TGFB2: variants seen among roughly 807,000 people sequenced by gnomAD.
TGFB2 encodes transforming growth factor beta 2, also known as transforming growth factor beta-2 proprotein.
Under a neutral mutation model 42.7 loss-of-function variants are expected in TGFB2, and 13 were observed. That is an observed-to-expected ratio of 0.30 (90% CI 0.20 to 0.48). The LOEUF (loss-of-function observed/expected upper bound fraction) is 0.48. Ranked by LOEUF, TGFB2 falls within the 20% of genes least tolerant of loss-of-function variation. TGFB2 has a pLI of 0.99. For missense variants in TGFB2, 390 were observed against 517.5 expected, an observed-to-expected ratio of 0.75 and a Z score of 2.39; for synonymous variants, 193 against 193.6, an observed-to-expected ratio of 1.00 and a Z score of 0.03.
In TGFB2 at chr1:218,405,608, A is replaced by G. The variant is rs574556670; in HGVS notation, c.510+276A>G. ...GATCTGGAACTCCTGGCCTTAAGCA[A>G]TCTTCCCACCTTGGCCTCAAAAAGT... On this transcript the variant is annotated intron_variant, in intron 2 of 6. Coordinates refer to ENST00000366930, the MANE Select transcript of TGFB2 (RefSeq NM_003238.6). 3.8e-5 allele frequency: 17 copies of G among 449,886 alleles called. No individual in the cohort carries two copies. In the East Asian group the frequency reaches 5.5e-4, roughly 15 times the overall value. The allele number at this position is 449,886 out of a possible 1,614,324, so 27.9% of individuals were successfully genotyped here.
At chr1:218,423,143 G>C (rs949189977) in intron 2 of TGFB2, among the ~76,000 whole-genome samples, 1 of 152,128 alleles carries the variant, frequency 6.6e-6, no homozygotes, top group Non-Finnish European at 1.5e-5. Flanking sequence ...GTGCCTGTCT[G>C]CCTGAGAGAA....
At position 218,346,970 on chromosome 1, in the gene TGFB2, A is replaced by T; in HGVS notation, c.269A>T (p.Glu90Val). The change falls in exon 1 of 7, where the codon GAG becomes GTG. Residue 90 changes from glutamate to valine, a missense_variant. By Grantham distance (121) the Glu-to-Val change is moderately radical. Coordinates refer to ENST00000366930, the MANE Select transcript of TGFB2 (RefSeq NM_003238.6). The surrounding 1 kb of genome is among the most constrained non-coding windows in gnomAD (Gnocchi z 4.9). ...GCGAGCCGGAGGGCGGCCGCCTGCG[A>T]GCGCGAGAGGAGCGACGAAGAGTAC... ...EKASRRAAAC[E>V]RERSDEEYYA... 6.2e-7 allele frequency: 1 copy of T among 1,613,906 alleles called. No homozygotes were observed. The highest frequency in any genetic ancestry group is 8.5e-7 in the Non-Finnish European group (1 of 1,179,900).
chr1:218,416,449 C>T (rs931737389), intron 2 of TGFB2, among the ~76,000 whole-genome samples: 1 of 152,126 alleles, frequency 6.6e-6, no homozygotes, highest in Non-Finnish European at 1.5e-5. Context: ...TGGCAGAGTC[C>T]AGCATACATA....
At chr1:218,362,839 A>G (rs1405708006) in intron 1 of TGFB2, among the ~76,000 whole-genome samples, 1 of 152,160 alleles carries the variant, frequency 6.6e-6, no homozygotes, top group East Asian at 1.9e-4. Context: ...ACCAATATTC[A>G]CTTGTATTTT....
At chr1:218,429,247 C>A (rs1659728066) in intron 2 of TGFB2, among the ~76,000 whole-genome samples, 1 of 152,190 alleles carries the variant, frequency 6.6e-6, no homozygotes, top group Non-Finnish European at 1.5e-5. Context: ...TCCCAAAGAG[C>A]TGGGATTACA....
intron 1 of TGFB2, among the ~76,000 whole-genome samples, chr1:218,385,448 A>G (rs1658101881): frequency 6.6e-6 from 1 of 152,246 alleles, no homozygotes; most frequent in Non-Finnish European, 1.5e-5. Context: ...CCTTCCCCAA[A>G]GTAACACGAC....
intron 2 of TGFB2, among the ~76,000 whole-genome samples, chr1:218,417,800 A>G (rs1227469110): frequency 6.6e-6 from 1 of 152,248 alleles, no homozygotes; most frequent in Non-Finnish European, 1.5e-5. Context: ...AAGGGCCAAC[A>G]TAGAGCTTGG....
chr1:218,421,516 C>G (rs1435672570), intron 2 of TGFB2, among the ~76,000 whole-genome samples: 1 of 151,970 alleles, frequency 6.6e-6, no homozygotes, highest in Non-Finnish European at 1.5e-5. Context: ...GAAAAATACT[C>G]TGTGGGGGTA....
chr1:218,419,209 C>G (rs778218898), intron 2 of TGFB2, among the ~76,000 whole-genome samples: 1 of 152,192 alleles, frequency 6.6e-6, no homozygotes, highest in Non-Finnish European at 1.5e-5. Flanking sequence ...TAGGGCTCCC[C>G]CATTTGTCAA....
At chr1:218,405,682 G>A in intron 2 of TGFB2, 1 of 345,682 alleles carries the variant, frequency 2.9e-6, no homozygotes, top group Non-Finnish European at 5.6e-6. Flanking sequence ...TTAGGTTGTT[G>A]TAATGGGCAA....
chr1:218,345,918 A>C lies in TGFB2; in HGVS notation c.-784A>C, dbSNP rs1557153. ...GCGCCCGCCAGGGTGTAGGCCACGG[A>C]GCGCAGCTCCCAGAGCAGGATCCGC... On this transcript the variant is annotated 5_prime_UTR_variant, in exon 1 of 7. Transcript: ENST00000366930. Among the ~76,000 whole-genome samples, 151,942 of 152,052 alleles carry C rather than the reference A, an allele frequency of 1. 75,916 individuals are homozygous for C. The highest frequency in any genetic ancestry group is 1 in the Middle Eastern group (292 of 292).
At chr1:218,411,187 C>T (rs746079046) in intron 2 of TGFB2, among the ~76,000 whole-genome samples, 2 of 152,220 alleles carry the variant, frequency 1.3e-5, no homozygotes, top group Non-Finnish European at 2.9e-5. Context: ...TAGTATGATT[C>T]ATACCACTGT....
At chr1:218,437,521 C>G in intron 6 of TGFB2, 25 bp downstream of exon 6, 2 of 1,595,890 alleles carry the variant, frequency 1.3e-6, no homozygotes, top group Non-Finnish European at 1.7e-6. Context: ...TACCTGTTGC[C>G]TCTGTTCTTG....
chr1:218,434,009 G>C lies in TGFB2; in HGVS notation c.511-73G>C, dbSNP rs10482809. On this transcript the variant is annotated intron_variant, in intron 2 of 6. Transcript: ENST00000366930. The stretch of plus-strand genomic sequence containing the variant: ...AATTTAGGTAATGAATTAGAACACT[G>C]TTAATAGTTTTGGTTTAGTCATGCT... The C allele has an allele frequency of 1.8e-3, 2,899 of 1,584,414 alleles. 49 individuals are homozygous for C. In the African/African-American group the frequency reaches 0.033, roughly 18 times the overall value.
intron 1 of TGFB2, among the ~76,000 whole-genome samples, chr1:218,368,853 G>A (rs1258488028): frequency 6.6e-6 from 1 of 152,192 alleles, no homozygotes; most frequent in Admixed American, 6.5e-5. Context: ...GAGAGATAAT[G>A]AGGGATAAGT....
intron 1 of TGFB2, among the ~76,000 whole-genome samples, chr1:218,356,147 A>T (rs1319290781): frequency 1.3e-5 from 2 of 152,012 alleles, no homozygotes; most frequent in Non-Finnish European, 2.9e-5. Flanking sequence ...GGAAATCAAA[A>T]TTTTTTTGTT....
At chr1:218,398,729 A>G (rs916313897) in intron 1 of TGFB2, among the ~76,000 whole-genome samples, 3 of 151,798 alleles carry the variant, frequency 2.0e-5, no homozygotes, top group Non-Finnish European at 2.9e-5. Context: ...CTGGGGCTAT[A>G]GACGCCTGCC....
chr1:218,391,256 G>A (rs771624584), intron 1 of TGFB2, among the ~76,000 whole-genome samples: 2 of 152,138 alleles, frequency 1.3e-5, no homozygotes, highest in Non-Finnish European at 1.5e-5. Flanking sequence ...CTGGCCTACT[G>A]GTCCCCCTTG....
At chr1:218,399,187 C>T (rs1303198122) in intron 1 of TGFB2, among the ~76,000 whole-genome samples, 1 of 152,178 alleles carries the variant, frequency 6.6e-6, no homozygotes, top group East Asian at 1.9e-4. Context: ...CTGTGCCAGG[C>T]CTGAAACAAT....
Sources: allele counts gnomAD v4.1 joint callset (sites outside exome capture counted in the v4.1 genomes callset), GRCh38; gene constraint gnomAD v4.1.1; non-coding constraint Gnocchi (gnomAD v3.1); transcripts MANE v1.5; gene names NCBI Gene and HGNC (gene_info 2026-07-23, HGNC 2026-07-21).